The following OPCML variants were observed in gnomAD, a reference collection of about 807,000 sequenced individuals.
OPCML encodes the protein opioid-binding protein/cell adhesion molecule.
In OPCML, 13 loss-of-function variants were observed where a neutral mutation model predicts 37.8. The ratio of observed to expected loss-of-function variants is 0.34; its 90% CI spans 0.22 to 0.55. OPCML has a LOEUF of 0.55. OPCML is among the 20% of genes least tolerant of loss of function. The pLI, the probability that OPCML is intolerant of heterozygous loss-of-function variation, is 0.91. For missense variants in OPCML, 341 were observed against 435.6 expected (o/e 0.78, Z 1.93); for synonymous variants, 176 against 168.8 (o/e 1.04, Z -0.33).
intron 2 of OPCML, among the ~76,000 whole-genome samples, chr11:132,917,046 C>G (rs1208242738): frequency 1.3e-5 from 2 of 152,172 alleles, no homozygotes; most frequent in African/African-American, 4.8e-5. Context: ...GAATGCACCC[C>G]TTCCAGTGAC....
At chr11:132,632,030 A>C (rs1030279712) in intron 3 of OPCML, among the ~76,000 whole-genome samples, 8 of 152,028 alleles carry the variant, frequency 5.3e-5, no homozygotes, top group Admixed American at 3.3e-4. Context: ...GCTGGAAATG[A>C]AAATGTGGCA....
intron 3 of OPCML, among the ~76,000 whole-genome samples, chr11:132,533,899 T>C (rs984496385): frequency 6.6e-6 from 1 of 152,174 alleles, no homozygotes; most frequent in African/African-American, 2.4e-5. Context: ...TATCACACCA[T>C]TTATCTTTGC....
In OPCML at chr11:132,836,949, G is replaced by C. The variant is rs1004716078; in HGVS notation, c.146+105977C>G. ...TATGTAAATGCCAAAGGAGCCACAA[G>C]AAAATCAAGTGAACGATCACAGAGG... is the stretch of plus-strand genomic sequence containing the variant. On this transcript the variant is annotated intron_variant, in intron 2 of 7. Transcript: ENST00000524381. 3.3e-5 allele frequency among the ~76,000 whole-genome samples: 5 copies of C among 152,142 alleles called. No homozygotes were observed. In the East Asian group the frequency reaches 9.6e-4, roughly 29 times the overall value.
intron 1 of OPCML, chr11:133,439,505 T>C (rs1172344074): frequency 1.1e-6 from 1 of 922,782 alleles, no homozygotes; most frequent in African/African-American, 1.8e-5. Context: ...TCTCACTCTG[T>C]CGCCCAGGCT....
At chr11:132,454,175 G>A (rs1339226295) in intron 4 of OPCML, among the ~76,000 whole-genome samples, 1 of 152,146 alleles carries the variant, frequency 6.6e-6, no homozygotes, top group Admixed American at 6.5e-5. Flanking sequence ...AAAGCACATT[G>A]TTTCTTAATT....
At chr11:132,902,184 T>C (rs1944087668) in intron 2 of OPCML, among the ~76,000 whole-genome samples, 2 of 152,200 alleles carry the variant, frequency 1.3e-5, no homozygotes, top group African/African-American at 2.4e-5. Context: ...GGAGCTTTCC[T>C]GAGGAACCCC....
chr11:133,010,864 G>C (rs1241112459), intron 1 of OPCML, among the ~76,000 whole-genome samples: 1 of 152,112 alleles, frequency 6.6e-6, no homozygotes, highest in African/African-American at 2.4e-5. Context: ...TAGAAGATGA[G>C]GAACATGAAG....
intron 4 of OPCML, among the ~76,000 whole-genome samples, chr11:132,501,040 A>G (rs1445238032): frequency 6.6e-6 from 1 of 152,154 alleles, no homozygotes; most frequent in East Asian, 1.9e-4. Context: ...TTTATAGTAG[A>G]ATGATTTATA....
chr11:133,212,808 G>A lies in OPCML; in HGVS notation c.62-269798C>T, dbSNP rs1338672966. ...TGGGACCCAACCTGGCCCCCTAGCT[G>A]TTGAGAGGTAAGAGTGAACTCATGA... is the stretch of plus-strand genomic sequence containing the variant. On this transcript the variant is annotated intron_variant, in intron 1 of 7. Transcript: ENST00000524381. This position sits in a 1 kb window ranked among gnomAD's most constrained non-coding sequence, Gnocchi z 4.9. 6.6e-6 allele frequency among the ~76,000 whole-genome samples: 1 copy of A among 152,192 alleles called. No homozygotes were observed. The highest frequency in any genetic ancestry group is 1.5e-5 in the Non-Finnish European group (1 of 68,044).
intron 3 of OPCML, among the ~76,000 whole-genome samples, chr11:132,614,753 A>G (rs796276634): frequency 3.9e-5 from 6 of 152,362 alleles, no homozygotes; most frequent in South Asian, 2.1e-4. Flanking sequence ...GCATTTCCCA[A>G]ATAAAATTTG....
Position 133,045,603 on chromosome 11 carries a change from C to T in OPCML, c.62-102593G>A, listed in dbSNP as rs140455688. Among the ~76,000 whole-genome samples the T allele has an allele frequency of 2.2e-3, 332 of 152,332 alleles. 3 individuals are homozygous for T. The highest frequency in any genetic ancestry group is 7.5e-3 in the African/African-American group (311 of 41,576). ...TGGCCAAGGTGGGACACCGCCTCCC[C>T]GCTGGAAAGCTCTGCCCTGTGAGCT... On this transcript the variant is annotated intron_variant, in intron 1 of 7. Transcript: ENST00000524381.
At chr11:133,234,869 G>A (rs1940441616) in intron 1 of OPCML, among the ~76,000 whole-genome samples, 1 of 152,176 alleles carries the variant, frequency 6.6e-6, no homozygotes, top group African/African-American at 2.4e-5. Flanking sequence ...GAAAAGCTCA[G>A]GAGTAATGAT....
intron 3 of OPCML, among the ~76,000 whole-genome samples, chr11:132,642,957 A>C: frequency 6.6e-6 from 1 of 151,996 alleles, no homozygotes; most frequent in African/African-American, 2.4e-5. Context: ...CACTTGGAAA[A>C]TGCAAGCCCA....
chr11:132,462,118 C>G (rs1325299757), intron 4 of OPCML, among the ~76,000 whole-genome samples: 2 of 152,132 alleles, frequency 1.3e-5, no homozygotes, highest in Admixed American at 1.3e-4. Context: ...GGATCCAACA[C>G]TATCTTCAGG....
In OPCML at chr11:132,435,225, GAAAAC is replaced by G. The variant is rs1215626495; in HGVS notation, c.916+856_916+860del. 16 of 1,289,294 alleles carry G rather than the reference GAAAAC, an allele frequency of 1.2e-5. No homozygotes were observed. In the African/African-American group the frequency reaches 1.7e-4, roughly 13 times the overall value. The allele number at this position is 1,289,294 out of a possible 1,614,324, so 79.9% of individuals were successfully genotyped here. A position where few individuals can be genotyped will look rare whatever the true frequency, so the allele number is the denominator to read the frequency against. On this transcript the variant is annotated intron_variant, in intron 7 of 7. Transcript: ENST00000524381. Reference sequence around the variant, plus strand: ...GCACAATGCACACACAATGCAGAGAGAAAACAAAAGACATAGATCACACATTTCAG... The same window carrying G: ...GCACAATGCACACACAATGCAGAGAGAAAAGACATAGATCACACATTTCAG...
chr11:133,512,855 C>T (rs1424531985), intron 1 of OPCML, among the ~76,000 whole-genome samples: 1 of 152,202 alleles, frequency 6.6e-6, no homozygotes, highest in African/African-American at 2.4e-5. Flanking sequence ...TCCCTATCTA[C>T]AAGGATATTA....
At chr11:132,642,434 A>G (rs1301343478) in intron 3 of OPCML, among the ~76,000 whole-genome samples, 1 of 151,176 alleles carries the variant, frequency 6.6e-6, no homozygotes, top group Non-Finnish European at 1.5e-5. Flanking sequence ...TATCACACAT[A>G]AACACACACA....
intron 2 of OPCML, among the ~76,000 whole-genome samples, chr11:132,918,806 C>A (rs964661466): frequency 1.4e-5 from 2 of 147,056 alleles, no homozygotes; most frequent in African/African-American, 5.4e-5. Context: ...TGAAAAAAAA[C>A]ATTGTCACTT....
At chr11:132,662,280 T>C (rs192973546) in intron 2 of OPCML, among the ~76,000 whole-genome samples, 7 of 152,294 alleles carry the variant, frequency 4.6e-5, no homozygotes, top group African/African-American at 1.7e-4. Context: ...GGAGAACCAC[T>C]CACTGCCTTA....
Sources: gnomAD v4.1 joint callset for allele counts (sites outside exome capture counted in the v4.1 genomes callset) on GRCh38, gnomAD v4.1.1 for gene constraint, Gnocchi (gnomAD v3.1) non-coding constraint, MANE v1.5 for transcripts, NCBI Gene and HGNC (gene_info 2026-07-23, HGNC 2026-07-21) for gene names.